Variants in AGBL1 observed in about 807,000 individuals in gnomAD.
AGBL1 encodes AGBL carboxypeptidase 1, also known as cytosolic carboxypeptidase 4.
In AGBL1, 130 loss-of-function variants were observed where a neutral mutation model predicts 118.9. The ratio of observed to expected loss-of-function variants is 1.09; its 90% CI spans 0.95 to 1.26. The LOEUF (loss-of-function observed/expected upper bound fraction) is 1.26. Among genes scored for constraint, AGBL1 ranks in the 50% most tolerant of loss-of-function variants. The pLI is 0.00. For missense variants in AGBL1, 1,584 were observed against 1,298.1 expected (o/e 1.22, Z -3.38); for synonymous variants, 555 against 478.9 (o/e 1.16, Z -2.08).
At chr15:86,253,163 G>C (rs1253527888) in intron 7 of AGBL1, among the ~76,000 whole-genome samples, 2 of 152,182 alleles carry the variant, frequency 1.3e-5, no homozygotes, top group East Asian at 3.9e-4. Context: ...GGAGGCATGA[G>C]ATTGAGTTGG....
At chr15:86,798,573 T>C (rs1431091572) in intron 22 of AGBL1, among the ~76,000 whole-genome samples, 1 of 151,964 alleles carries the variant, frequency 6.6e-6, no homozygotes, top group African/African-American at 2.4e-5. Context: ...ACTAGACACT[T>C]TACCTGGCAT....
chr15:86,196,879 G>GCACA (rs59632011), intron 5 of AGBL1, among the ~76,000 whole-genome samples: 1,553 of 116,900 alleles, frequency 0.013, 23 homozygotes, highest in East Asian at 0.02. Flanking sequence ...GCGCGCGCGC[G>GCACA]CACACACACA....
chr15:86,969,654 T>C (rs1333662781), intron 23 of AGBL1, among the ~76,000 whole-genome samples: 1 of 152,028 alleles, frequency 6.6e-6, no homozygotes, highest in African/African-American at 2.4e-5. Context: ...TGTGTTGGTA[T>C]ATGTGGGTGT....
chr15:86,268,517 C>T (rs2079107810), intron 13 of AGBL1, among the ~76,000 whole-genome samples: 1 of 152,156 alleles, frequency 6.6e-6, no homozygotes, highest in Admixed American at 6.5e-5. Flanking sequence ...CTATACATTT[C>T]CCTTGGACCA....
chr15:86,875,652 T>C (rs2079796378), intron 22 of AGBL1, among the ~76,000 whole-genome samples: 1 of 152,202 alleles, frequency 6.6e-6, no homozygotes, highest in Admixed American at 6.5e-5. Flanking sequence ...GCATAGGATA[T>C]TGAACCCCTG....
rs2084704236 is a variant in AGBL1, at chr15:86,615,181, G to A, written c.2995-59092G>A. Reference sequence around the variant, plus strand: ...AAATGAGAGTAATTCTAGCAGATTTGCCTTCCAGATGCCTCTGCCAGCAAT... The same window carrying A: ...AAATGAGAGTAATTCTAGCAGATTTACCTTCCAGATGCCTCTGCCAGCAAT... On this transcript the variant is annotated intron_variant, in intron 21 of 22. Coordinates refer to ENST00000614907, the MANE Select transcript of AGBL1 (RefSeq NM_001386094.1). The surrounding 1 kb of genome is among the most constrained non-coding windows in gnomAD (Gnocchi z 4.3). 6.6e-6 allele frequency among the ~76,000 whole-genome samples: 1 copy of A among 152,180 alleles called. No homozygotes were observed. Among genetic ancestry groups the A allele is most frequent in the African/African-American group, 2.4e-5 (1 of 41,460 alleles).
intron 24 of AGBL1, among the ~76,000 whole-genome samples, chr15:87,009,330 C>G (rs920013763): frequency 6.6e-6 from 1 of 152,172 alleles, no homozygotes; most frequent in African/African-American, 2.4e-5. Flanking sequence ...GCCTTGGCAG[C>G]TTTCACATGG....
intron 5 of AGBL1, among the ~76,000 whole-genome samples, chr15:86,215,218 T>C: frequency 1.0e-5 from 1 of 100,306 alleles, no homozygotes; most frequent in South Asian, 4.6e-4. Context: ...TGAGTGTATA[T>C]GTATGCGTGT....
At chr15:86,118,408 G>A (rs80186385) in intron 1 of AGBL1, among the ~76,000 whole-genome samples, 1,923 of 152,040 alleles carry the variant, frequency 0.013, 21 homozygotes, top group East Asian at 0.049. Context: ...CAAGAACTCT[G>A]CAGCACCACG....
chr15:86,747,948 TG>T (rs2077782123), intron 22 of AGBL1, among the ~76,000 whole-genome samples: 2 of 152,326 alleles, frequency 1.3e-5, no homozygotes, highest in Non-Finnish European at 2.9e-5. Flanking sequence ...TACGTGTGCA[TG>T]TGACTTTATA....
intron 24 of AGBL1, among the ~76,000 whole-genome samples, chr15:87,021,044 T>C (rs1033931324): frequency 2.0e-5 from 3 of 151,908 alleles, no homozygotes; most frequent in African/African-American, 4.8e-5. Context: ...ATAGCCAAGA[T>C]GATCCTAAGC....
At chr15:86,264,160 T>C (rs1210198787) in intron 10 of AGBL1, 98 bp from the exon 11 acceptor site, 1 of 1,022,908 alleles carries the variant, frequency 9.8e-7, no homozygotes, top group Non-Finnish European at 1.4e-6. Context: ...ACAGGATTTA[T>C]GCTTAGCTCT....
chr15:86,315,531 T>A (rs2079989856), intron 17 of AGBL1, among the ~76,000 whole-genome samples: 1 of 151,770 alleles, frequency 6.6e-6, no homozygotes, highest in Non-Finnish European at 1.5e-5. Flanking sequence ...CTGACCAACA[T>A]GGTGAAACCC....
chr15:86,591,356 A>G (rs1457264759), intron 21 of AGBL1, among the ~76,000 whole-genome samples: 1 of 152,084 alleles, frequency 6.6e-6, no homozygotes, highest in Non-Finnish European at 1.5e-5. Context: ...GATGCTATCT[A>G]CCTACAGATA....
chr15:86,363,592 A>G (rs1291715883), intron 17 of AGBL1, among the ~76,000 whole-genome samples: 1 of 152,092 alleles, frequency 6.6e-6, no homozygotes, highest in Non-Finnish European at 1.5e-5. Context: ...TTCTAACAGT[A>G]GTTTCCCCAG....
intron 16 of AGBL1, among the ~76,000 whole-genome samples, chr15:86,290,505 C>T (rs1408489878): frequency 6.6e-6 from 1 of 151,306 alleles, no homozygotes; most frequent in African/African-American, 2.4e-5. Flanking sequence ...TGTGCACCAC[C>T]ATGCCCAGCA....
At chr15:86,687,928 A>G (rs903093263) in intron 22 of AGBL1, among the ~76,000 whole-genome samples, 1 of 152,166 alleles carries the variant, frequency 6.6e-6, no homozygotes, top group African/African-American at 2.4e-5. Context: ...TCCCAGGCAC[A>G]GTTCCCCTAT....
At chr15:86,143,605 T>A (rs2076993084) in intron 2 of AGBL1, 94 bp from the exon 3 acceptor site, 1 of 1,452,118 alleles carries the variant, frequency 6.9e-7, no homozygotes, top group South Asian at 1.3e-5. Flanking sequence ...ATGAACTAAT[T>A]CTTGCTCTGT....
chr15:86,392,937 G>A (rs1292855081), intron 17 of AGBL1, among the ~76,000 whole-genome samples: 4 of 152,112 alleles, frequency 2.6e-5, no homozygotes, highest in Non-Finnish European at 5.9e-5. Flanking sequence ...AAACCACATG[G>A]TATGTGTGGT....
Sources: allele counts gnomAD v4.1 joint callset (sites outside exome capture counted in the v4.1 genomes callset), GRCh38; gene constraint gnomAD v4.1.1; non-coding constraint Gnocchi (gnomAD v3.1); transcripts MANE v1.5; gene names NCBI Gene and HGNC (gene_info 2026-07-23, HGNC 2026-07-21).